Variants in RABGAP1L observed in about 807,000 individuals in gnomAD.
RABGAP1L encodes the protein rab GTPase-activating protein 1-like.
A neutral mutation model predicts 137.7 loss-of-function variants in RABGAP1L; 63 were observed. The ratio of observed to expected loss-of-function variants is 0.46; its 90% CI spans 0.37 to 0.56. RABGAP1L has a LOEUF of 0.56. Ranked by LOEUF, RABGAP1L falls within the 20% of genes least tolerant of loss-of-function variation. RABGAP1L has a pLI of 0.00. For missense variants in RABGAP1L, 1,095 were observed against 1,244.0 expected (o/e 0.88, Z 1.80); for synonymous variants, 431 against 433.7 (o/e 0.99, Z 0.08).
chr1:174,331,672 T>TC (rs984380329), intron 11 of RABGAP1L, among the ~76,000 whole-genome samples: 28 of 152,178 alleles, frequency 1.8e-4, no homozygotes, highest in African/African-American at 6.0e-4. Context: ...CTCTTTTTTT[T>TC]CTTTTTATTT....
intron 13 of RABGAP1L, among the ~76,000 whole-genome samples, chr1:174,555,674 A>G (rs1666828871): frequency 6.6e-6 from 1 of 152,194 alleles, no homozygotes; most frequent in Non-Finnish European, 1.5e-5. Flanking sequence ...TTTTGAAGAG[A>G]AAAAAGATCA....
At chr1:174,674,658 G>T (rs1478564576) in intron 14 of RABGAP1L, among the ~76,000 whole-genome samples, 2 of 150,546 alleles carry the variant, frequency 1.3e-5, no homozygotes, top group East Asian at 2.0e-4. Context: ...CTGAGGAATC[G>T]CCACACTGAC....
intron 11 of RABGAP1L, among the ~76,000 whole-genome samples, chr1:174,312,972 C>T (rs924179737): frequency 2.0e-5 from 3 of 152,088 alleles, no homozygotes; most frequent in African/African-American, 7.2e-5. Flanking sequence ...GTTTTTATGC[C>T]AGTCCCATGC....
intron 19 of RABGAP1L, among the ~76,000 whole-genome samples, chr1:174,882,698 A>C (rs1319863003): frequency 6.6e-6 from 1 of 152,244 alleles, no homozygotes; most frequent in Admixed American, 6.5e-5. Flanking sequence ...AAAAACAATA[A>C]GGAAGCCAAG....
intron 13 of RABGAP1L, among the ~76,000 whole-genome samples, chr1:174,458,313 T>G (rs966374040): frequency 2.6e-5 from 4 of 151,370 alleles, no homozygotes; most frequent in African/African-American, 9.7e-5. Flanking sequence ...CAGAAAAAAA[T>G]TTTTCAGAAA....
chr1:174,772,723 T>G (rs191577137), intron 18 of RABGAP1L, among the ~76,000 whole-genome samples: 3 of 152,226 alleles, frequency 2.0e-5, no homozygotes, highest in African/African-American at 7.2e-5. Context: ...TTGCACCTGT[T>G]AAATAGTAAC....
At chr1:174,600,782 C>A (rs1447731114) in intron 13 of RABGAP1L, among the ~76,000 whole-genome samples, 1 of 152,190 alleles carries the variant, frequency 6.6e-6, no homozygotes, top group Non-Finnish European at 1.5e-5. Context: ...GTGTCTGCAG[C>A]TTTTCCAGGC....
chr1:174,533,424 G>A (rs554539450), intron 13 of RABGAP1L, among the ~76,000 whole-genome samples: 1 of 152,222 alleles, frequency 6.6e-6, no homozygotes, highest in African/African-American at 2.4e-5. Context: ...CTGCTTACAT[G>A]CAGATTTTCT....
chr1:174,762,179 T>C (rs1685279304), intron 18 of RABGAP1L, among the ~76,000 whole-genome samples: 1 of 152,144 alleles, frequency 6.6e-6, no homozygotes, highest in African/African-American at 2.4e-5. Context: ...TAAAGTCCTT[T>C]AAAGGCCTCC....
chr1:174,416,652 C>A (rs141931963), intron 13 of RABGAP1L, among the ~76,000 whole-genome samples: 1 of 151,908 alleles, frequency 6.6e-6, no homozygotes, highest in Non-Finnish European at 1.5e-5. Flanking sequence ...TATAAACAAA[C>A]GTGTTTGTCA....
rs1283378533 is a variant in RABGAP1L, at chr1:174,796,694, G to GA, written c.2212-15135dup. Among the ~76,000 whole-genome samples, 10 of 152,226 alleles carry GA rather than the reference G, an allele frequency of 6.6e-5. No homozygotes were observed. In the East Asian group the frequency reaches 1.9e-3, roughly 29 times the overall value. ...TTAAACATACCTAACTGTTTTAAGT[G>GA]AAACTTGGTTTGCTCATTAAGATAA... is the stretch of plus-strand genomic sequence containing the variant. On this transcript the variant is annotated intron_variant, in intron 18 of 25. Transcript: ENST00000681986.
chr1:174,672,303 T>C (rs1677246878), intron 14 of RABGAP1L, among the ~76,000 whole-genome samples: 2 of 143,372 alleles, frequency 1.4e-5, no homozygotes, highest in Admixed American at 7.0e-5. Context: ...TTTTTTGATA[T>C]GGAGTCTCCC....
chr1:174,879,327 T>C (rs1444223648), intron 19 of RABGAP1L, among the ~76,000 whole-genome samples: 2 of 152,130 alleles, frequency 1.3e-5, no homozygotes, highest in Non-Finnish European at 2.9e-5. Flanking sequence ...CTCAAGCTCT[T>C]GATCTTGTGA....
chr1:174,597,590 TTC>T (rs1187486620), intron 13 of RABGAP1L, among the ~76,000 whole-genome samples: 2 of 152,080 alleles, frequency 1.3e-5, no homozygotes, highest in African/African-American at 2.4e-5. Context: ...TTTATTTGTC[TTC>T]TCTCTTTTTT....
intron 19 of RABGAP1L, among the ~76,000 whole-genome samples, chr1:174,907,510 T>G (rs956417234): frequency 1.3e-5 from 2 of 152,014 alleles, no homozygotes; most frequent in African/African-American, 4.8e-5. Flanking sequence ...AGACATGGTT[T>G]TGCCATGTTG....
chr1:174,872,939 C>T (rs565775700), intron 19 of RABGAP1L, among the ~76,000 whole-genome samples: 11 of 152,216 alleles, frequency 7.2e-5, no homozygotes, highest in African/African-American at 2.4e-4. Context: ...ATAGAGTTAC[C>T]TAGGAACATC....
chr1:174,896,850 G>C (rs1469472230), intron 19 of RABGAP1L: 2 of 152,230 alleles, frequency 1.3e-5, no homozygotes, highest in Non-Finnish European at 2.9e-5. Flanking sequence ...TAGCCTTGTA[G>C]TATAGTTTGA....
At chr1:174,388,104 G>A (rs1686950688) in intron 12 of RABGAP1L, among the ~76,000 whole-genome samples, 2 of 152,032 alleles carry the variant, frequency 1.3e-5, no homozygotes, top group African/African-American at 4.8e-5. Flanking sequence ...TGTGATTTAT[G>A]TAGGTAAAGC....
At chr1:174,859,430 C>T (rs1477767198) in intron 19 of RABGAP1L, among the ~76,000 whole-genome samples, 3 of 149,320 alleles carry the variant, frequency 2.0e-5, no homozygotes, top group Non-Finnish European at 3.0e-5. Flanking sequence ...TTGCAGTGAG[C>T]GGAGATTGTG....
Sources: allele counts gnomAD v4.1 joint callset (sites outside exome capture counted in the v4.1 genomes callset), GRCh38; gene constraint gnomAD v4.1.1; transcripts MANE v1.5; gene names NCBI Gene and HGNC (gene_info 2026-07-23, HGNC 2026-07-21).